The following P3H4 variants were observed in gnomAD, a reference collection of about 807,000 sequenced individuals.
P3H4 encodes endoplasmic reticulum protein SC65.
P3H4 carries 47 observed loss-of-function variants against 52.9 expected under a neutral mutation model. The ratio of observed to expected loss-of-function variants is 0.89; its 90% confidence interval spans 0.70 to 1.13. P3H4 has a LOEUF of 1.13. Among genes scored for constraint, P3H4 ranks in the 50% most tolerant of loss-of-function variants. The pLI, the probability that P3H4 is intolerant of heterozygous loss-of-function variation, is 0.00. For synonymous variants in P3H4, 256 were observed against 267.9 expected (o/e 0.96, Z 0.44); for missense variants, 585 against 611.0 (o/e 0.96, Z 0.45).
chr17:41,806,247 A>G (rs782369059), intron 6 of P3H4, among the ~76,000 whole-genome samples: 1 of 151,934 alleles, frequency 6.6e-6, no homozygotes, highest in Non-Finnish European at 1.5e-5. Flanking sequence ...AATAAATAAA[A>G]TAAATCAATG....
rs1246177016 is a variant in P3H4 at position 41,803,068 on chromosome 17, G to C, written c.1292-89C>G. The C allele has an allele frequency of 2.0e-6, 3 of 1,505,640 alleles. No homozygotes were observed. In the South Asian group the frequency reaches 3.6e-5, roughly 18 times the overall value. 93.3% of individuals were successfully genotyped at this position (1,505,640 alleles called of 1,614,324 possible). A position where few individuals can be genotyped will look rare whatever the true frequency, so the allele number is the denominator to read the frequency against. ...GCTGTCCTGATGGGAGGTGGGGTGAGGCTCCCCCGGACAGGTCTCAGCTGG... is the reference window on the plus strand; with the variant it reads ...GCTGTCCTGATGGGAGGTGGGGTGACGCTCCCCCGGACAGGTCTCAGCTGG... On this transcript the variant is annotated intron_variant, in intron 7 of 7. Coordinates refer to ENST00000393928, the MANE Select transcript of P3H4 (RefSeq NM_006455.3).
chr17:41,806,781 G>A lies in P3H4; in HGVS notation c.1146+15C>T, dbSNP rs529217234. 6.2e-7 allele frequency: 1 copy of A among 1,609,442 alleles called. No homozygotes were observed. The highest frequency in any genetic ancestry group is 1.1e-5 in the South Asian group (1 of 90,422). On this transcript the variant is annotated intron_variant, in intron 6 of 7. Transcript: ENST00000393928. ...CCCCATCACAGCCCAATCCTGGAAA[G>A]CAGGAGGCACTCACCTCATCATCTG...
intron 6 of P3H4, 86 bp from the exon 7 acceptor site, chr17:41,803,517 C>T: frequency 8.4e-7 from 1 of 1,192,006 alleles, no homozygotes. Flanking sequence ...ATGGGACTTC[C>T]CATCCCATCT....
rs768042232 is a variant in P3H4 at position 41,809,783 on chromosome 17, G to T, written c.839C>A (p.Thr280Asn). The T allele has an allele frequency of 6.2e-7, 1 of 1,613,838 alleles. No homozygotes were observed. The highest frequency in any genetic ancestry group is 1.3e-5 in the African/African-American group (1 of 74,900). Residue 280 changes from threonine (T) to asparagine (N), a missense_variant, in exon 4 of 8, where the codon ACC (threonine) becomes AAC (asparagine). Coordinates refer to ENST00000393928, the MANE Select transcript of P3H4 (RefSeq NM_006455.3). ...CACGAAGTAGCCACCCACATTGGGG[G>T]TCAAATTGGCCTCACAGTCCACCTT... ...QCKVDCEANL[T>N]PNVGGYFVDK...
Position 41,811,535 on chromosome 17 carries a change from C to G in P3H4, c.381G>C (p.Gln127His). The part of the protein sequence containing the change: ...RRCKRTLPAF[Q>H]VPYPPRQLLR... ...GCAGCTGCCGCGGCGGGTAGGGCAC[C>G]TGGAAGGCGGGCAGCGTCCGCTTGC... Residue 127 changes from glutamine (Q) to histidine (H), a missense_variant, in exon 1 of 8, where the codon CAG becomes CAC. Physicochemically the swap from Gln to His is conservative, Grantham distance 24. Coordinates refer to ENST00000393928, the MANE Select transcript of P3H4 (RefSeq NM_006455.3). The surrounding 1 kb of genome is among the most constrained non-coding windows in gnomAD (Gnocchi z 4.8). 1 of 1,611,084 alleles carries G rather than the reference C, an allele frequency of 6.2e-7. No individual in the cohort carries two copies. The highest frequency in any genetic ancestry group is 8.5e-7 in the Non-Finnish European group (1 of 1,179,352).
In P3H4 at chr17:41,811,667, G is replaced by C. The variant is rs896706501; in HGVS notation, c.249C>G (p.Pro83=). ...EAFCHANCSG[P]APAAKPDPDG... is the part of the protein sequence containing the mutation. ...CGGGATCGGGCTTGGCCGCGGGCGC[G>C]GGGCCGCTGCAGTTGGCGTGGCAGA... Residue 83 remains proline, a synonymous_variant, in exon 1 of 8, where the codon CCC becomes CCG. Coordinates refer to ENST00000393928, the MANE Select transcript of P3H4 (RefSeq NM_006455.3). The surrounding 1 kb of genome is among the most constrained non-coding windows in gnomAD (Gnocchi z 4.8). 36 of 1,427,838 alleles carry C rather than the reference G, an allele frequency of 2.5e-5. No individual in the cohort carries two copies. The highest frequency in any genetic ancestry group is 3.3e-5 in the Non-Finnish European group (36 of 1,102,722). The allele number at this position is 1,427,838 out of a possible 1,614,324, so 88.4% of individuals were successfully genotyped here.
chr17:41,805,540 G>A (rs531439890), intron 6 of P3H4, among the ~76,000 whole-genome samples: 4 of 151,902 alleles, frequency 2.6e-5, no homozygotes, highest in South Asian at 2.1e-4. Context: ...GGCCAGGCTC[G>A]TCTTGAACTC....
chr17:41,804,458 T>G (rs573539971), intron 6 of P3H4, among the ~76,000 whole-genome samples: 1 of 151,754 alleles, frequency 6.6e-6, no homozygotes, highest in Non-Finnish European at 1.5e-5. Context: ...AAACCCCATG[T>G]CTCTACTAAA....
chr17:41,804,786 G>A (rs1286059871), intron 6 of P3H4, among the ~76,000 whole-genome samples: 5 of 151,772 alleles, frequency 3.3e-5, no homozygotes, highest in Non-Finnish European at 7.4e-5. Flanking sequence ...CCTGGCCAAC[G>A]TGGTGAAACC....
chr17:41,808,561 G>C (rs886501249), intron 4 of P3H4, among the ~76,000 whole-genome samples: 1 of 151,974 alleles, frequency 6.6e-6, no homozygotes, highest in East Asian at 1.9e-4. Context: ...CTAACTTTTT[G>C]TATTTTTTGT....
chr17:41,803,208 A>C (rs1444527734), intron 7 of P3H4, 79 bp downstream of exon 7: 1 of 1,542,238 alleles, frequency 6.5e-7, no homozygotes, highest in Non-Finnish European at 8.7e-7. Flanking sequence ...TGGGCTCCGG[A>C]GCCCAGCGGG....
At position 41,811,646 on chromosome 17, in the gene P3H4, A is replaced by G. The variant is rs551277298; in HGVS notation, c.270T>C (p.Asp90=). 4.0e-4 allele frequency: 584 copies of G among 1,450,474 alleles called. 3 individuals are homozygous for G. In the African/African-American group the frequency reaches 7.7e-3, roughly 19 times the overall value. 89.9% of individuals were successfully genotyped at this position (1,450,474 alleles called of 1,614,324 possible). A position where few individuals can be genotyped will look rare whatever the true frequency, so the allele number is the denominator to read the frequency against. The change falls in exon 1 of 8, where the codon GAT becomes GAC. Residue 90 remains aspartate, a synonymous_variant. Transcript: ENST00000393928. This position sits in a 1 kb window ranked among gnomAD's most constrained non-coding sequence, Gnocchi z 4.8. The stretch of plus-strand genomic sequence containing the variant: ...ACTCGTCTGCGCGGCCGCCGTCGGG[A>G]TCGGGCTTGGCCGCGGGCGCGGGGC... The part of the protein sequence containing the change: ...CSGPAPAAKP[D]PDGGRADEWA...
At chr17:41,809,285 G>A (rs2144025490) in intron 4 of P3H4, among the ~76,000 whole-genome samples, 1 of 152,266 alleles carries the variant, frequency 6.6e-6, no homozygotes, top group African/African-American at 2.4e-5. Context: ...GCTGGGTGTG[G>A]TGGCAGGCAC....
At chr17:41,805,126 A>G (rs1473369713) in intron 6 of P3H4, among the ~76,000 whole-genome samples, 1 of 151,556 alleles carries the variant, frequency 6.6e-6, no homozygotes, top group Non-Finnish European at 1.5e-5. Context: ...TCTACTAAAT[A>G]TACAAAAAAA....
In P3H4 at chr17:41,802,925, C is replaced by T; in HGVS notation, c.*32G>A. On this transcript the variant is annotated 3_prime_UTR_variant, in exon 8 of 8. Transcript: ENST00000393928. ...GGGTGGGGCCATCGGCACCAGGCTT[C>T]CCAAGCTTGAGCGGTGTGGGGTGTC... 1 of 1,609,448 alleles carries T rather than the reference C, an allele frequency of 6.2e-7. No individual in the cohort carries two copies. The highest frequency in any genetic ancestry group is 8.5e-7 in the Non-Finnish European group (1 of 1,178,190).
In P3H4 at chr17:41,802,549, G is replaced by A. The variant is rs150551466; in HGVS notation, c.*408C>T. The stretch of plus-strand genomic sequence containing the variant: ...GATTACAGGCGTGAGCCACCGTGCC[G>A]GCCCGTCTTGTTTTTTTTTAAAGAT... On this transcript the variant is annotated 3_prime_UTR_variant, in exon 8 of 8. Transcript: ENST00000393928. 2.2e-3 allele frequency: 431 copies of A among 199,762 alleles called. 10 individuals are homozygous for A. The highest frequency in any genetic ancestry group is 0.011 in the African/African-American group (412 of 38,418). The allele number at this position is 199,762 out of a possible 1,614,324, so 12.4% of individuals were successfully genotyped here. A position where few individuals can be genotyped will look rare whatever the true frequency, so the allele number is the denominator to read the frequency against.
intron 7 of P3H4, 81 bp downstream of exon 7, chr17:41,803,206 G>T: frequency 1.3e-6 from 2 of 1,540,680 alleles, no homozygotes. Flanking sequence ...CCTGGGCTCC[G>T]GAGCCCAGCG....
Position 41,810,893 on chromosome 17 carries a change from C to T in P3H4, c.757G>A (p.Asp253Asn), listed in dbSNP as rs2047723848. Reference protein sequence around the residue: ...AGCEGAHEQVDFKDFYPAIAD... With the variant: ...AGCEGAHEQVNFKDFYPAIAD... The stretch of plus-strand genomic sequence containing the variant: ...ATGGCCGGGTAGAAGTCCTTGAAGT[C>T]CACCTGCTCATGGGCCCCTTCACAG... The change falls in exon 3 of 8, where the codon GAC becomes AAC. Residue 253 changes from aspartate (D) to asparagine (N), a missense_variant. Physicochemically the swap from Asp to Asn is conservative, Grantham distance 23. Transcript: ENST00000393928. 1.2e-6 allele frequency: 2 copies of T among 1,613,922 alleles called. No individual in the cohort carries two copies. Among genetic ancestry groups the T allele is most frequent in the Admixed American group, 1.7e-5 (1 of 59,994 alleles).
chr17:41,809,004 T>C (rs1377842294), intron 4 of P3H4, among the ~76,000 whole-genome samples: 1 of 152,222 alleles, frequency 6.6e-6, no homozygotes, highest in Non-Finnish European at 1.5e-5. Context: ...CCACTTTTTA[T>C]TAGTCATAAG....
Sources: allele counts gnomAD v4.1 joint callset (sites outside exome capture counted in the v4.1 genomes callset), GRCh38; gene constraint gnomAD v4.1.1; non-coding constraint Gnocchi (gnomAD v3.1); transcripts MANE v1.5; gene names NCBI Gene and HGNC (gene_info 2026-07-23, HGNC 2026-07-21).